THEMIS: variants seen among roughly 807,000 people sequenced by gnomAD.
THEMIS encodes the protein thymocyte selection associated, also known as protein THEMIS.
A neutral mutation model predicts 52.6 loss-of-function variants in THEMIS; 37 were observed. That is an observed-to-expected ratio of 0.70 (90% CI 0.54 to 0.93). The LOEUF (loss-of-function observed/expected upper bound fraction) is 0.93. THEMIS is among the 40% of genes least tolerant of loss of function. The pLI is 0.00. For missense variants in THEMIS, 808 were observed against 763.1 expected, an observed-to-expected ratio of 1.06 and a Z score of -0.69; for synonymous variants, 292 against 272.7, an observed-to-expected ratio of 1.07 and a Z score of -0.70.
intron 1 of THEMIS, among the ~76,000 whole-genome samples, chr6:127,860,209 C>G (rs1445825558): frequency 6.6e-6 from 1 of 152,026 alleles, no homozygotes; most frequent in Non-Finnish European, 1.5e-5. Flanking sequence ...CATTCCCACT[C>G]TATGAAGAAT....
At chr6:127,792,633 G>GT (rs1458948067) in intron 4 of THEMIS, among the ~76,000 whole-genome samples, 3 of 152,150 alleles carry the variant, frequency 2.0e-5, no homozygotes, top group African/African-American at 7.2e-5. Flanking sequence ...AAAAACTCAT[G>GT]TTGCCAATCA....
intron 1 of THEMIS, among the ~76,000 whole-genome samples, chr6:127,917,060 A>G (rs1378333578): frequency 6.6e-6 from 1 of 152,250 alleles, no homozygotes; most frequent in Non-Finnish European, 1.5e-5. Context: ...TAGGGTCTAG[A>G]AAAAGGGAAT....
intron 1 of THEMIS, among the ~76,000 whole-genome samples, chr6:127,913,348 C>A (rs943482858): frequency 1.3e-5 from 2 of 151,858 alleles, no homozygotes; most frequent in South Asian, 4.2e-4. Context: ...TTTATGTGTC[C>A]ATTTGCATGC....
At chr6:127,725,677 T>C (rs1002492568) in intron 4 of THEMIS, among the ~76,000 whole-genome samples, 15 of 152,132 alleles carry the variant, frequency 9.9e-5, no homozygotes, top group African/African-American at 3.1e-4. Flanking sequence ...TCATTTCTTT[T>C]GGGCAATATT....
chr6:127,779,832 T>G (rs1428029193), intron 4 of THEMIS, among the ~76,000 whole-genome samples: 5 of 152,214 alleles, frequency 3.3e-5, no homozygotes, highest in African/African-American at 1.2e-4. Context: ...CTAATTATAC[T>G]GTTTTATATA....
chr6:127,887,313 T>C (rs538511481), intron 1 of THEMIS, among the ~76,000 whole-genome samples: 21 of 151,946 alleles, frequency 1.4e-4, no homozygotes, highest in Non-Finnish European at 2.8e-4. Context: ...AAATGCAAAT[T>C]AAAACTACAA....
exon 1 of THEMIS, chr6:127,918,450 T>C (rs920876085): frequency 6.6e-6 from 1 of 152,202 alleles, no homozygotes; most frequent in Non-Finnish European, 1.5e-5. Context: ...AGGCTGATGT[T>C]AATGATCATT....
chr6:127,898,059 A>G (rs1781025456), intron 1 of THEMIS, among the ~76,000 whole-genome samples: 1 of 151,834 alleles, frequency 6.6e-6, no homozygotes, highest in Middle Eastern at 3.4e-3. Flanking sequence ...TGTAAGGGTC[A>G]TAAATGGACA....
At chr6:127,859,468 TC>T (rs1193494307) in intron 1 of THEMIS, among the ~76,000 whole-genome samples, 3 of 151,922 alleles carry the variant, frequency 2.0e-5, no homozygotes, top group East Asian at 3.9e-4. Flanking sequence ...TATGTATACC[TC>T]CCCCACAGCT....
At chr6:127,763,245 A>G (rs1258047533) in intron 4 of THEMIS, among the ~76,000 whole-genome samples, 1 of 152,012 alleles carries the variant, frequency 6.6e-6, no homozygotes, top group African/African-American at 2.4e-5. Flanking sequence ...TGAATTCTCT[A>G]TGTGATTAAA....
At chr6:127,872,337 C>T (rs894409075) in intron 1 of THEMIS, among the ~76,000 whole-genome samples, 8 of 151,982 alleles carry the variant, frequency 5.3e-5, no homozygotes, top group East Asian at 1.9e-4. Context: ...TTTGTGAGAC[C>T]GAAGCAGGTG....
intron 2 of THEMIS, among the ~76,000 whole-genome samples, chr6:127,849,378 C>A (rs1285621145): frequency 6.6e-6 from 1 of 151,878 alleles, no homozygotes; most frequent in Non-Finnish European, 1.5e-5. Context: ...CAGCTTTGTT[C>A]TTTTGGCTTA....
chr6:127,753,669 AC>A (rs1203566615), intron 4 of THEMIS, among the ~76,000 whole-genome samples: 3 of 152,114 alleles, frequency 2.0e-5, no homozygotes, highest in Admixed American at 2.0e-4. Context: ...AAAGCTGTTA[AC>A]AAAACATTTT....
chr6:127,843,260 AC>A (rs1779110008), intron 2 of THEMIS, among the ~76,000 whole-genome samples: 2 of 151,874 alleles, frequency 1.3e-5, no homozygotes, highest in South Asian at 4.1e-4. Context: ...ACGTTGATTG[AC>A]AAAAATATCA....
intron 1 of THEMIS, among the ~76,000 whole-genome samples, chr6:127,876,918 T>A (rs1219546864): frequency 6.6e-6 from 1 of 152,166 alleles, no homozygotes. Context: ...ATATTGCAGA[T>A]TTGGTTCTAG....
At position 127,855,162 on chromosome 6, in the gene THEMIS, C is replaced by A. The variant is rs778827895; in HGVS notation, c.118G>T (p.Glu40Ter). The A allele has an allele frequency of 6.2e-7, 1 of 1,600,796 alleles. No homozygotes were observed. The highest frequency in any genetic ancestry group is 8.5e-7 in the Non-Finnish European group (1 of 1,175,010). Residue 40 changes from glutamate (E) to a stop codon, truncating the protein, a stop_gained, in exon 2 of 6, where the codon GAA (glutamate) becomes TAA (stop). Coordinates refer to ENST00000368248, the MANE Select transcript of THEMIS (RefSeq NM_001010923.3). LOFTEE classifies it high-confidence loss of function. ...ACTTCTCCTGTTGAAAAACAGCATT[C>A]ATTTCCAAACATTTCATAAATAGAG... is the stretch of plus-strand genomic sequence containing the variant. ...EGSIYEMFGNECCFSTGEVIK... is the reference protein window; with the variant it reads ...EGSIYEMFGN
At chr6:127,810,635 A>T (rs1357606277) in intron 4 of THEMIS, among the ~76,000 whole-genome samples, 1 of 152,180 alleles carries the variant, frequency 6.6e-6, no homozygotes, top group Admixed American at 6.5e-5. Flanking sequence ...CTCTAAAACA[A>T]TAAATTTCTG....
At position 127,861,649 on chromosome 6, in the gene THEMIS, G is replaced by A. The variant is rs1779800086; in HGVS notation, c.92-6461C>T. 2.0e-5 allele frequency among the ~76,000 whole-genome samples: 3 copies of A among 151,842 alleles called. No individual in the cohort carries two copies. In the South Asian group the frequency reaches 6.2e-4, roughly 32 times the overall value. On this transcript the variant is annotated intron_variant, in intron 1 of 5. Coordinates refer to ENST00000368248, the MANE Select transcript of THEMIS (RefSeq NM_001010923.3). ...AATACAAAAATTAGCCGGTCATGGT[G>A]GTGGGTGCCTGTAATCCCAGCTACC...
chr6:127,885,967 C>T lies in THEMIS; in HGVS notation c.91+14875G>A, dbSNP rs115922006. On this transcript the variant is annotated intron_variant, in intron 1 of 5. Transcript: ENST00000368248. ...GATTTACTTTGGTATCTACAGTTTC[C>T]CCATTGGACATTGCAATGTCCAAAA... 4.0e-3 allele frequency among the ~76,000 whole-genome samples: 616 copies of T among 152,136 alleles called. 6 individuals carry two copies. The highest frequency in any genetic ancestry group is 0.014 in the African/African-American group (590 of 41,502).
Sources: gnomAD v4.1 joint callset for allele counts (sites outside exome capture counted in the v4.1 genomes callset) on GRCh38, gnomAD v4.1.1 for gene constraint, MANE v1.5 for transcripts, NCBI Gene and HGNC (gene_info 2026-07-23, HGNC 2026-07-21) for gene names.